Variants in MAD1L1 observed in about 807,000 individuals in gnomAD.
The protein encoded by MAD1L1 is mitotic arrest deficient 1 like 1, also known as mitotic spindle assembly checkpoint protein MAD1.
MAD1L1 carries 95 observed loss-of-function variants against 96.9 expected under a neutral mutation model. The ratio of observed to expected loss-of-function variants is 0.98; its 90% CI spans 0.83 to 1.16. MAD1L1 has a LOEUF of 1.16. Among genes scored for constraint, MAD1L1 ranks in the 50% most tolerant of loss-of-function variants. The pLI, the probability that MAD1L1 is intolerant of heterozygous loss-of-function variation, is 0.00. For synonymous variants in MAD1L1, 473 were observed against 396.6 expected, an observed-to-expected ratio of 1.19 and a Z score of -2.29; for missense variants, 1,007 against 954.4, an observed-to-expected ratio of 1.06 and a Z score of -0.73.
intron 18 of MAD1L1, 90 bp downstream of exon 18, chr7:1,898,110 C>T (rs1434013865): frequency 2.2e-6 from 3 of 1,368,982 alleles, no homozygotes; most frequent in African/African-American, 1.4e-5. Context: ...GGACGCGAGG[C>T]TGCTCCTTTG....
At chr7:1,978,783 G>T (rs12699561) in intron 15 of MAD1L1, among the ~76,000 whole-genome samples, 52,467 of 152,012 alleles carry the variant, frequency 0.35, 9,190 homozygotes, top group Middle Eastern at 0.38. Context: ...TGGAGACGCA[G>T]ATGAAGACGG....
At chr7:2,056,459 G>A (rs1237216608) in intron 12 of MAD1L1, among the ~76,000 whole-genome samples, 1 of 152,122 alleles carries the variant, frequency 6.6e-6, no homozygotes, top group African/African-American at 2.4e-5. Context: ...CCTCAGGGGA[G>A]GGAGGAGCAC....
chr7:1,855,848 T>C (rs1025171305), intron 18 of MAD1L1, among the ~76,000 whole-genome samples: 2 of 152,142 alleles, frequency 1.3e-5, no homozygotes, highest in Non-Finnish European at 2.9e-5. Context: ...TGCACCCCAC[T>C]CTTGGTACCA....
chr7:2,164,192 A>G (rs1414221748), intron 10 of MAD1L1, among the ~76,000 whole-genome samples: 1 of 152,214 alleles, frequency 6.6e-6, no homozygotes, highest in Non-Finnish European at 1.5e-5. Context: ...ATATTTCTCT[A>G]TCCACTGGCC....
chr7:2,077,113 C>T (rs578135555), intron 11 of MAD1L1, among the ~76,000 whole-genome samples: 30 of 149,854 alleles, frequency 2.0e-4, no homozygotes, highest in Non-Finnish European at 3.7e-4. Context: ...ATGGTGAGCC[C>T]GAGATGGTTA....
intron 16 of MAD1L1, among the ~76,000 whole-genome samples, chr7:1,937,601 C>A (rs373030120): frequency 6.6e-6 from 1 of 151,136 alleles, no homozygotes; most frequent in Non-Finnish European, 1.5e-5. Context: ...AGGGAACAGC[C>A]GCCCACAGCA....
At chr7:2,188,118 A>G in intron 10 of MAD1L1, among the ~76,000 whole-genome samples, 1 of 152,246 alleles carries the variant, frequency 6.6e-6, no homozygotes, top group Middle Eastern at 3.2e-3. Context: ...ATGATGTTAC[A>G]TAACCATGCA....
chr7:1,834,029 G>C (rs1206409534), intron 18 of MAD1L1, among the ~76,000 whole-genome samples: 1 of 152,170 alleles, frequency 6.6e-6, no homozygotes, highest in Non-Finnish European at 1.5e-5. Flanking sequence ...TAACAGAACG[G>C]CATCTGGAGA....
chr7:1,859,887 G>A lies in MAD1L1; in HGVS notation c.1998+38313C>T, dbSNP rs530815969. On this transcript the variant is annotated intron_variant, in intron 18 of 18. Coordinates refer to ENST00000265854, the MANE Select transcript of MAD1L1 (RefSeq NM_001013836.2). ...TGTCTCCCTAGATGTGACATCCGGC[G>A]GGGCTGCCTCTGTCTCCCTAGATGT... 1.8e-3 allele frequency among the ~76,000 whole-genome samples: 273 copies of A among 150,998 alleles called. 2 individuals carry two copies. Among genetic ancestry groups the A allele is most frequent in the African/African-American group, 6.2e-3 (254 of 40,968 alleles).
intron 12 of MAD1L1, among the ~76,000 whole-genome samples, chr7:2,039,644 T>C (rs1367606662): frequency 4.6e-5 from 7 of 152,222 alleles, no homozygotes; most frequent in Non-Finnish European, 1.0e-4. Flanking sequence ...GTCATCTGTA[T>C]ATGTTATTTG....
intron 18 of MAD1L1, chr7:1,845,525 C>T (rs1755397800): frequency 2.9e-5 from 2 of 68,376 alleles, no homozygotes; most frequent in African/African-American, 1.1e-4. Flanking sequence ...AGGAGATGGA[C>T]GTGCTCCACG....
intron 11 of MAD1L1, among the ~76,000 whole-genome samples, chr7:2,087,077 C>T (rs1000068708): frequency 1.3e-5 from 2 of 152,194 alleles, no homozygotes; most frequent in Non-Finnish European, 2.9e-5. Context: ...TCTTTAAAAA[C>T]GTACCCACAT....
chr7:1,985,850 G>A (rs764765931), intron 14 of MAD1L1, among the ~76,000 whole-genome samples: 12 of 151,910 alleles, frequency 7.9e-5, no homozygotes, highest in Non-Finnish European at 1.2e-4. Flanking sequence ...GCAACCCCCG[G>A]CCTCACCGTC....
At chr7:2,000,277 G>A (rs1030184058) in intron 14 of MAD1L1, among the ~76,000 whole-genome samples, 9 of 151,848 alleles carry the variant, frequency 5.9e-5, no homozygotes, top group Admixed American at 2.0e-4. Context: ...CCACGCCTCC[G>A]CACGCCATTG....
intron 5 of MAD1L1, 54 bp downstream of exon 5, chr7:2,222,521 T>C (rs1793661323): frequency 7.5e-6 from 11 of 1,470,426 alleles, no homozygotes; most frequent in African/African-American, 7.1e-5. Flanking sequence ...AACAAGAGCA[T>C]GCACTCCCTC....
chr7:1,889,576 A>AAG (rs574371423), intron 18 of MAD1L1, among the ~76,000 whole-genome samples: 2 of 151,690 alleles, frequency 1.3e-5, no homozygotes, highest in Non-Finnish European at 2.9e-5. Context: ...CCCCTGCACC[A>AAG]TCTCCTATGT....
At chr7:2,061,365 T>TAAAATA (rs1255685526) in intron 12 of MAD1L1, among the ~76,000 whole-genome samples, 1 of 151,026 alleles carries the variant, frequency 6.6e-6, no homozygotes, top group Non-Finnish European at 1.5e-5. Context: ...TAAAATAAAA[T>TAAAATA]AAAATAAAAA....
chr7:2,015,388 C>G (rs1782490843), intron 12 of MAD1L1, among the ~76,000 whole-genome samples: 1 of 152,224 alleles, frequency 6.6e-6, no homozygotes, highest in Non-Finnish European at 1.5e-5. Context: ...TGACACTGAC[C>G]ACAGTGTCAG....
intron 18 of MAD1L1, among the ~76,000 whole-genome samples, chr7:1,841,382 C>T (rs1213468628): frequency 6.6e-6 from 1 of 152,128 alleles, no homozygotes; most frequent in African/African-American, 2.4e-5. Context: ...CACAGCCCGA[C>T]AGCACAGGCA....
Sources: gnomAD v4.1 joint callset for allele counts (sites outside exome capture counted in the v4.1 genomes callset) on GRCh38, gnomAD v4.1.1 for gene constraint, MANE v1.5 for transcripts, NCBI Gene and HGNC (gene_info 2026-07-23, HGNC 2026-07-21) for gene names.